Variants in MBOAT2 observed in about 807,000 individuals in gnomAD.
MBOAT2 encodes the protein membrane-bound glycerophospholipid O-acyltransferase 2.
Under a neutral mutation model 63.4 loss-of-function variants are expected in MBOAT2, and 28 were observed. That is an observed-to-expected ratio of 0.44 (90% confidence interval 0.33 to 0.61). The LOEUF (loss-of-function observed/expected upper bound fraction) is 0.61, where lower values mean the gene tolerates loss of function less well. Ranked by LOEUF, MBOAT2 falls within the 20% of genes least tolerant of loss-of-function variation. The pLI is 0.03. For synonymous variants in MBOAT2, 211 were observed against 215.6 expected, an observed-to-expected ratio of 0.98 and a Z score of 0.19; for missense variants, 470 against 605.8, an observed-to-expected ratio of 0.78 and a Z score of 2.35.
chr2:8,996,756 C>T (rs896551121), intron 1 of MBOAT2, among the ~76,000 whole-genome samples: 5 of 152,204 alleles, frequency 3.3e-5, no homozygotes, highest in African/African-American at 1.2e-4. Flanking sequence ...CCAAGACCTG[C>T]CCACATCTTT....
chr2:8,956,311 A>C (rs1304896994), intron 2 of MBOAT2, among the ~76,000 whole-genome samples: 1 of 152,236 alleles, frequency 6.6e-6, no homozygotes, highest in Non-Finnish European at 1.5e-5. Context: ...TATCTTACAC[A>C]TGGTACAGAG....
At chr2:8,930,034 TG>T (rs1453277930) in intron 3 of MBOAT2, among the ~76,000 whole-genome samples, 4 of 152,214 alleles carry the variant, frequency 2.6e-5, no homozygotes, top group African/African-American at 7.2e-5. Flanking sequence ...CCCATTTTTC[TG>T]TGACCAGCAG....
At chr2:8,922,525 G>A (rs574262280) in intron 3 of MBOAT2, among the ~76,000 whole-genome samples, 75 of 152,334 alleles carry the variant, frequency 4.9e-4, no homozygotes, top group African/African-American at 1.8e-3. Context: ...GGTGAGAGCT[G>A]ATGCAGCAGC....
chr2:8,945,464 C>A (rs148106638), intron 2 of MBOAT2, among the ~76,000 whole-genome samples: 2 of 152,196 alleles, frequency 1.3e-5, no homozygotes, highest in East Asian at 3.9e-4. Context: ...GTAGTAAGCA[C>A]TCAACTATTA....
intron 1 of MBOAT2, among the ~76,000 whole-genome samples, chr2:8,977,357 T>C (rs1273028234): frequency 2.6e-5 from 4 of 152,164 alleles, no homozygotes; most frequent in Non-Finnish European, 4.4e-5. Flanking sequence ...GGACAAGCAA[T>C]TGTGGAATGA....
chr2:8,915,169 C>T (rs773239515), intron 3 of MBOAT2, among the ~76,000 whole-genome samples: 8 of 151,870 alleles, frequency 5.3e-5, no homozygotes, highest in Non-Finnish European at 1.0e-4. Flanking sequence ...GAACTCCTGA[C>T]CTCAAGTGAT....
intron 3 of MBOAT2, among the ~76,000 whole-genome samples, chr2:8,917,228 T>C (rs1666247452): frequency 1.3e-5 from 2 of 152,100 alleles, no homozygotes; most frequent in South Asian, 4.1e-4. Flanking sequence ...TAGTAAAAGA[T>C]AAAAAGCTCC....
At chr2:8,985,575 T>C (rs931108729) in intron 1 of MBOAT2, among the ~76,000 whole-genome samples, 2 of 152,144 alleles carry the variant, frequency 1.3e-5, no homozygotes, top group African/African-American at 4.8e-5. Flanking sequence ...CTCCCCGCCC[T>C]GTCCCCTAGC....
intron 1 of MBOAT2, among the ~76,000 whole-genome samples, chr2:8,959,001 G>A (rs772667217): frequency 6.6e-6 from 1 of 152,174 alleles, no homozygotes; most frequent in Non-Finnish European, 1.5e-5. Flanking sequence ...TAATGACTGA[G>A]GGAACCCTGT....
chr2:8,969,135 T>C (rs6717448), intron 1 of MBOAT2, among the ~76,000 whole-genome samples: 33,688 of 151,934 alleles, frequency 0.22, 5,651 homozygotes, highest in African/African-American at 0.47. Flanking sequence ...GGTCGGGTTA[T>C]CCACAAAGGG....
chr2:8,868,349 C>A, intron 9 of MBOAT2, 97 bp downstream of exon 9: 1 of 978,792 alleles, frequency 1.0e-6, no homozygotes, highest in South Asian at 1.6e-5. Flanking sequence ...TATTAAAAAA[C>A]CTTCAATACC....
chr2:8,897,564 G>T (rs907320621), intron 4 of MBOAT2, among the ~76,000 whole-genome samples: 1 of 152,202 alleles, frequency 6.6e-6, no homozygotes, highest in Non-Finnish European at 1.5e-5. Flanking sequence ...TAAGGCTTGG[G>T]TAAGTGCCAC....
At chr2:8,878,547 A>G (rs369264743) in intron 6 of MBOAT2, among the ~76,000 whole-genome samples, 5 of 152,184 alleles carry the variant, frequency 3.3e-5, no homozygotes, top group African/African-American at 9.7e-5. Context: ...AGGTCTTGTT[A>G]TGTTGCCCAG....
intron 3 of MBOAT2, among the ~76,000 whole-genome samples, chr2:8,939,420 G>C (rs1667892100): frequency 6.6e-6 from 1 of 152,196 alleles, no homozygotes. Flanking sequence ...GAAAACGGCA[G>C]GACAGAGTCC....
chr2:8,858,423 A>G lies in MBOAT2; in HGVS notation c.*256T>C. On this transcript the variant is annotated 3_prime_UTR_variant, in exon 13 of 13. Transcript: ENST00000305997. ...AGCAACAGGGCACGCGTGTGACCCT[A>G]CGGACAAGTGCTGAGGTTGGGAGTG... The G allele has an allele frequency of 2.5e-6, 1 of 401,104 alleles. No homozygotes were observed. Among genetic ancestry groups the G allele is most frequent in the Non-Finnish European group, 4.5e-6 (1 of 223,764 alleles). The allele number at this position is 401,104 out of a possible 1,614,324, so 24.8% of individuals were successfully genotyped here.
At chr2:8,916,575 G>A (rs879498942) in intron 3 of MBOAT2, among the ~76,000 whole-genome samples, 1 of 152,140 alleles carries the variant, frequency 6.6e-6, no homozygotes, top group South Asian at 2.1e-4. Context: ...AACTAAAAAC[G>A]AATTCTTCTC....
chr2:8,993,905 C>T (rs1295302542), intron 1 of MBOAT2, among the ~76,000 whole-genome samples: 4 of 152,218 alleles, frequency 2.6e-5, no homozygotes, highest in Admixed American at 1.3e-4. Context: ...TGGAAAAGCA[C>T]TTAAAGTCAG....
intron 5 of MBOAT2, among the ~76,000 whole-genome samples, chr2:8,887,112 C>A (rs1376501954): frequency 6.6e-6 from 1 of 152,168 alleles, no homozygotes; most frequent in African/African-American, 2.4e-5. Flanking sequence ...CCATCAAAAC[C>A]CACACTCCAA....
chr2:8,873,232 T>C lies in MBOAT2; in HGVS notation c.759A>G (p.Thr253=). 6.2e-7 allele frequency: 1 copy of C among 1,614,218 alleles called. No homozygotes were observed. Among genetic ancestry groups the C allele is most frequent in the Non-Finnish European group, 8.5e-7 (1 of 1,180,026 alleles). Residue 253 remains threonine, a synonymous_variant, in exon 8 of 13, where the codon ACA becomes ACG. Transcript: ENST00000305997. ...SLLFHLTICT[T]LPVEYNIDEH... is the part of the protein sequence containing the mutation. ...CATCAATGTTGTACTCCACAGGTAA[T>C]GTTGTACAGATGGTCAAGTGAAATA... is the stretch of plus-strand genomic sequence containing the variant.
Sources: allele counts gnomAD v4.1 joint callset (sites outside exome capture counted in the v4.1 genomes callset), GRCh38; gene constraint gnomAD v4.1.1; transcripts MANE v1.5; gene names NCBI Gene and HGNC (gene_info 2026-07-23, HGNC 2026-07-21).